Variants in NXPE2 observed in about 807,000 individuals in gnomAD.
NXPE2 encodes neurexophilin and PC-esterase domain family member 2.
Under a neutral mutation model 34.4 loss-of-function variants are expected in NXPE2, and 34 were observed. The observed-to-expected ratio is 0.99, with a 90% CI of 0.75 to 1.31. NXPE2 has a LOEUF of 1.31. Among genes scored for constraint, NXPE2 ranks in the 40% most tolerant of loss-of-function variants. The pLI is 0.00. For missense variants in NXPE2, 649 were observed against 672.5 expected (o/e 0.97, Z 0.39); for synonymous variants, 235 against 231.3 (o/e 1.02, Z -0.15).
At chr11:114,485,679 C>G in the NXPE2 span, among the ~76,000 whole-genome samples, 1 of 152,084 alleles carries the variant, frequency 6.6e-6, no homozygotes, top group Non-Finnish European at 1.5e-5. Flanking sequence ...TGTCTGGTAA[C>G]CATCCTTCTA....
At chr11:114,471,924 T>C in the NXPE2 span, among the ~76,000 whole-genome samples, 1 of 152,172 alleles carries the variant, frequency 6.6e-6, no homozygotes, top group Admixed American at 6.5e-5. Flanking sequence ...AAGCAGTGTA[T>C]ACTTTATCTT....
the NXPE2 span, among the ~76,000 whole-genome samples, chr11:114,479,169 C>T: frequency 6.6e-6 from 1 of 152,316 alleles, no homozygotes; most frequent in African/African-American, 2.4e-5. Context: ...AGAGCCCATA[C>T]TTTAACAAGC....
the NXPE2 span, among the ~76,000 whole-genome samples, chr11:114,740,535 T>C: frequency 4.7e-3 from 710 of 152,286 alleles, 3 homozygotes; most frequent in African/African-American, 0.015. Context: ...TTTTGAGCAC[T>C]CTCTATGCTT....
the NXPE2 span, among the ~76,000 whole-genome samples, chr11:114,783,415 G>A: frequency 6.6e-6 from 1 of 152,016 alleles, no homozygotes; most frequent in Non-Finnish European, 1.5e-5. Context: ...TTCTAGCAAA[G>A]ACCCAGGAAA....
the NXPE2 span, among the ~76,000 whole-genome samples, chr11:114,626,663 C>A: frequency 6.6e-6 from 1 of 152,220 alleles, no homozygotes; most frequent in South Asian, 2.1e-4. Context: ...CAGAACAAAG[C>A]TGGACGGAGA....
chr11:114,589,364 G>A, the NXPE2 span, among the ~76,000 whole-genome samples: 2 of 152,114 alleles, frequency 1.3e-5, no homozygotes, highest in African/African-American at 4.8e-5. Context: ...CCTCCTTCTG[G>A]ACACCAGAGC....
the NXPE2 span, among the ~76,000 whole-genome samples, chr11:114,715,738 TAAAC>T: frequency 2.0e-5 from 3 of 152,202 alleles, no homozygotes; most frequent in Non-Finnish European, 4.4e-5. Context: ...GAAGTATAAA[TAAAC>T]AAAATGTTTA....
chr11:114,710,502 A>T (rs1034888164), downstream of NXPE2, among the ~76,000 whole-genome samples: 4 of 152,190 alleles, frequency 2.6e-5, no homozygotes, highest in African/African-American at 4.8e-5. Flanking sequence ...GAAGAAACTG[A>T]TAAATTCATA....
At chr11:114,565,572 A>G in the NXPE2 span, among the ~76,000 whole-genome samples, 2 of 152,204 alleles carry the variant, frequency 1.3e-5, no homozygotes, top group Admixed American at 6.5e-5. Context: ...ATAGTGATAC[A>G]TACACTCATG....
At chr11:114,566,574 A>G in the NXPE2 span, among the ~76,000 whole-genome samples, 2 of 152,178 alleles carry the variant, frequency 1.3e-5, no homozygotes, top group Non-Finnish European at 2.9e-5. Context: ...CCCAACTGGA[A>G]TGTGTTGTAA....
At chr11:114,653,343 T>C in the NXPE2 span, among the ~76,000 whole-genome samples, 1 of 152,224 alleles carries the variant, frequency 6.6e-6, no homozygotes, top group Non-Finnish European at 1.5e-5. Context: ...TTGGTACTTT[T>C]ATTGTCCCTA....
At chr11:114,652,844 G>T in the NXPE2 span, among the ~76,000 whole-genome samples, 2 of 152,182 alleles carry the variant, frequency 1.3e-5, no homozygotes, top group Non-Finnish European at 2.9e-5. Flanking sequence ...AGCGCATTCA[G>T]CTAGAGCATT....
At chr11:114,711,961 A>T (rs908597309), downstream of NXPE2, among the ~76,000 whole-genome samples, 1 of 152,158 alleles carries the variant, frequency 6.6e-6, no homozygotes, top group African/African-American at 2.4e-5. Context: ...ATCTGGCTAC[A>T]TGATTTTCAG....
the NXPE2 span, among the ~76,000 whole-genome samples, chr11:114,487,468 A>G: frequency 3.9e-5 from 6 of 152,070 alleles, no homozygotes; most frequent in Non-Finnish European, 7.4e-5. Flanking sequence ...TTCCTTTCTA[A>G]TTGCTATAAA....
the NXPE2 span, among the ~76,000 whole-genome samples, chr11:114,650,859 T>A: frequency 6.6e-6 from 1 of 151,988 alleles, no homozygotes; most frequent in Admixed American, 6.6e-5. Flanking sequence ...ACTGCTGCCC[T>A]ACCCCAAGAA....
At chr11:114,763,985 G>A in the NXPE2 span, among the ~76,000 whole-genome samples, 5 of 152,090 alleles carry the variant, frequency 3.3e-5, no homozygotes, top group African/African-American at 7.2e-5. Flanking sequence ...CATCATCAAC[G>A]TCATCATCAC....
the NXPE2 span, among the ~76,000 whole-genome samples, chr11:114,757,334 C>T: frequency 8.6e-5 from 13 of 151,680 alleles, no homozygotes; most frequent in South Asian, 1.7e-3. Flanking sequence ...CTTTCTCCAC[C>T]GAGAGAGGGC....
At chr11:114,693,504 C>G (rs751016059) in intron 2 of NXPE2, among the ~76,000 whole-genome samples, 1 of 152,174 alleles carries the variant, frequency 6.6e-6, no homozygotes, top group Non-Finnish European at 1.5e-5. Flanking sequence ...CACTGGATTT[C>G]ACACACATAA....
At chr11:114,534,641 C>G in the NXPE2 span, among the ~76,000 whole-genome samples, 401 of 152,242 alleles carry the variant, frequency 2.6e-3, 2 homozygotes, top group African/African-American at 9.2e-3. Flanking sequence ...GACAAATGCA[C>G]AAGCTTCAGT....
Sources: gnomAD v4.1 joint callset for allele counts (sites outside exome capture counted in the v4.1 genomes callset) on GRCh38, gnomAD v4.1.1 for gene constraint, MANE v1.5 for transcripts, NCBI Gene and HGNC (gene_info 2026-07-23, HGNC 2026-07-21) for gene names.